Variants in LUZP2 observed in about 807,000 individuals in gnomAD.
The protein encoded by LUZP2 is leucine zipper protein 2.
Under a neutral mutation model 51.6 loss-of-function variants are expected in LUZP2, and 52 were observed. That is an observed-to-expected ratio of 1.01 (90% confidence interval 0.81 to 1.27). The LOEUF is 1.27. LUZP2 is among the 50% of genes most tolerant of loss of function. The probability of loss-of-function intolerance (pLI) is 0.00; values close to 1 mark genes in which losing one functional copy is unlikely to be tolerated. For missense variants in LUZP2, 436 were observed against 395.4 expected (o/e 1.10, Z -0.87); for synonymous variants, 154 against 137.3 (o/e 1.12, Z -0.85).
At chr11:24,881,617 C>T (rs1852472506) in intron 5 of LUZP2, among the ~76,000 whole-genome samples, 1 of 151,970 alleles carries the variant, frequency 6.6e-6, no homozygotes, top group South Asian at 2.1e-4. Context: ...TGGCTGGGAA[C>T]ACAATGTTAG....
At position 24,570,864 on chromosome 11, in the gene LUZP2, G is replaced by A. The variant is rs1286538470; in HGVS notation, c.62+73559G>A. ...TTTAAAGTTTTCTTTTCATAAATTAGAAAACTTAAGGCCAGAGAGGAAATG... is the reference window on the plus strand; with the variant it reads ...TTTAAAGTTTTCTTTTCATAAATTAAAAAACTTAAGGCCAGAGAGGAAATG... On this transcript the variant is annotated intron_variant, in intron 1 of 11. Transcript: ENST00000336930. Among the ~76,000 whole-genome samples the A allele has an allele frequency of 5.3e-5, 8 of 152,028 alleles. No individual in the cohort carries two copies. The South Asian group carries it at 1.7e-3, about 32-fold the overall frequency.
chr11:24,706,640 G>A (rs1857593169), intron 1 of LUZP2, among the ~76,000 whole-genome samples: 1 of 152,070 alleles, frequency 6.6e-6, no homozygotes, highest in South Asian at 2.1e-4. Context: ...GATGAGGGTG[G>A]GACGCGAAGG....
intron 9 of LUZP2, among the ~76,000 whole-genome samples, chr11:25,044,242 T>A (rs1858210324): frequency 1.0e-4 from 4 of 39,760 alleles, no homozygotes; most frequent in Non-Finnish European, 2.0e-4. Context: ...TGTATGTGTG[T>A]GTGTGTGTGT....
intron 1 of LUZP2, among the ~76,000 whole-genome samples, chr11:24,694,761 G>T (rs1406895669): frequency 6.6e-6 from 1 of 152,098 alleles, no homozygotes; most frequent in Non-Finnish European, 1.5e-5. Flanking sequence ...AAGACTTCGT[G>T]TCCTTTTCAG....
At chr11:24,993,490 A>T (rs987099197) in intron 9 of LUZP2, among the ~76,000 whole-genome samples, 1 of 152,050 alleles carries the variant, frequency 6.6e-6, no homozygotes, top group African/African-American at 2.4e-5. Flanking sequence ...ACATGCTCTC[A>T]TTTGCTTCTG....
intron 1 of LUZP2, among the ~76,000 whole-genome samples, chr11:24,712,003 A>C (rs1473068123): frequency 6.6e-6 from 1 of 152,212 alleles, no homozygotes; most frequent in African/African-American, 2.4e-5. Context: ...TTGATGTATT[A>C]TTTAACCTTA....
At chr11:24,850,491 G>A (rs182819496) in intron 5 of LUZP2, among the ~76,000 whole-genome samples, 19 of 152,002 alleles carry the variant, frequency 1.2e-4, no homozygotes, top group Admixed American at 1.2e-3. Flanking sequence ...TACCTGTTTT[G>A]GTCCCAGTAA....
chr11:25,070,561 C>T (rs941385327), intron 10 of LUZP2, among the ~76,000 whole-genome samples: 1 of 151,858 alleles, frequency 6.6e-6, no homozygotes, highest in East Asian at 1.9e-4. Flanking sequence ...GGTTTGCACA[C>T]CAGTGGGTGA....
At chr11:24,719,124 A>T (rs1354692424) in intron 1 of LUZP2, among the ~76,000 whole-genome samples, 6 of 152,240 alleles carry the variant, frequency 3.9e-5, no homozygotes, top group Non-Finnish European at 8.8e-5. Context: ...TTTGAACTGT[A>T]AGTTGATCCA....
At chr11:25,021,515 G>A (rs372756778) in intron 9 of LUZP2, among the ~76,000 whole-genome samples, 1 of 151,762 alleles carries the variant, frequency 6.6e-6, no homozygotes, top group African/African-American at 2.4e-5. Flanking sequence ...GGGAAACATA[G>A]ACAAAGACAT....
chr11:24,570,015 A>G (rs1206127736), intron 1 of LUZP2, among the ~76,000 whole-genome samples: 2 of 152,046 alleles, frequency 1.3e-5, no homozygotes, highest in Non-Finnish European at 2.9e-5. Context: ...CATAACTAAA[A>G]TTACCACCCT....
In LUZP2 at chr11:24,885,127, A is replaced by G. The variant is rs1246149457; in HGVS notation, c.397-20864A>G. On this transcript the variant is annotated intron_variant, in intron 5 of 11. Coordinates refer to ENST00000336930, the MANE Select transcript of LUZP2 (RefSeq NM_001009909.4). ...TTTTATGATAAACTCTTCTTTATCT[A>G]TAAGAGAAATTAGAGGACTCATTAA... 3.3e-5 allele frequency among the ~76,000 whole-genome samples: 5 copies of G among 152,214 alleles called. No individual in the cohort carries two copies. The East Asian group carries it at 5.8e-4, about 18-fold the overall frequency.
intron 1 of LUZP2, among the ~76,000 whole-genome samples, chr11:24,638,442 A>G (rs1037774373): frequency 4.0e-5 from 6 of 151,724 alleles, no homozygotes; most frequent in Non-Finnish European, 7.4e-5. Flanking sequence ...GGACACTTTA[A>G]TTAAGAAAGT....
At chr11:25,064,736 C>T (rs558952470) in intron 10 of LUZP2, among the ~76,000 whole-genome samples, 4 of 152,022 alleles carry the variant, frequency 2.6e-5, no homozygotes, top group Admixed American at 2.6e-4. Flanking sequence ...AAGACATGTT[C>T]TTTCCATTTT....
chr11:24,831,338 G>A (rs1850700332), intron 5 of LUZP2, among the ~76,000 whole-genome samples: 1 of 152,290 alleles, frequency 6.6e-6, no homozygotes, highest in East Asian at 1.9e-4. Context: ...AGAGATACAG[G>A]CAATTCATGT....
At chr11:24,497,858 T>C (rs544827116) in intron 1 of LUZP2, among the ~76,000 whole-genome samples, 4 of 152,350 alleles carry the variant, frequency 2.6e-5, no homozygotes, top group African/African-American at 9.6e-5. Context: ...GCGTTTTCTT[T>C]TGACTGTCTT....
intron 5 of LUZP2, among the ~76,000 whole-genome samples, chr11:24,765,757 G>T (rs569440195): frequency 3.3e-5 from 5 of 151,330 alleles, no homozygotes; most frequent in Non-Finnish European, 1.5e-5. Context: ...CCTCTGAGTA[G>T]CTAGGACTAC....
intron 5 of LUZP2, among the ~76,000 whole-genome samples, chr11:24,857,739 C>T (rs1851614858): frequency 6.6e-6 from 1 of 151,718 alleles, no homozygotes; most frequent in African/African-American, 2.4e-5. Flanking sequence ...GGTTTTTTAT[C>T]TTTTAAAGCC....
chr11:24,547,931 C>G (rs145506447), intron 1 of LUZP2, among the ~76,000 whole-genome samples: 58 of 152,058 alleles, frequency 3.8e-4, no homozygotes. Context: ...TCTATGTGGC[C>G]AATAAGCATA....
Sources: allele counts gnomAD v4.1 joint callset (sites outside exome capture counted in the v4.1 genomes callset), GRCh38; gene constraint gnomAD v4.1.1; transcripts MANE v1.5; gene names NCBI Gene and HGNC (gene_info 2026-07-23, HGNC 2026-07-21).